Variants in PCDH19 observed in about 807,000 individuals in gnomAD.
The protein encoded by PCDH19 is protocadherin 19.
A neutral mutation model predicts 46.2 loss-of-function variants in PCDH19; 6 were observed. The observed-to-expected ratio is 0.13, with a 90% CI of 0.07 to 0.26. The LOEUF (loss-of-function observed/expected upper bound fraction) is 0.26. PCDH19 is among the 10% of genes least tolerant of loss of function. The pLI, the probability that PCDH19 is intolerant of heterozygous loss-of-function variation, is 1.00. For missense variants in PCDH19, 740 were observed against 972.3 expected, an observed-to-expected ratio of 0.76 and a Z score of 3.18; for synonymous variants, 481 against 415.7, an observed-to-expected ratio of 1.16 and a Z score of -1.91.
At chrX:100,355,002 A>C (rs1476338056) in intron 3 of PCDH19, among the ~76,000 whole-genome samples, 1 of 111,775 alleles carries the variant, frequency 8.9e-6, no homozygotes, top group Admixed American at 9.5e-5. Flanking sequence ...AATAAGAGTC[A>C]CTTTCTTATT....
chrX:100,311,932 A>G (rs1317738561), intron 5 of PCDH19, among the ~76,000 whole-genome samples: 1 of 111,521 alleles, frequency 9.0e-6, no homozygotes, highest in Non-Finnish European at 1.9e-5. Context: ...CATTAAAAAA[A>G]TGCATTTCAA....
intron 3 of PCDH19, among the ~76,000 whole-genome samples, chrX:100,359,612 G>A (rs1027097080): frequency 2.7e-5 from 3 of 112,037 alleles, no homozygotes; most frequent in African/African-American, 9.7e-5. Context: ...AGAGGGTTGG[G>A]CATTGTGGCT....
At chrX:100,333,165 GGAAGGA>G (rs1452168936) in intron 5 of PCDH19, among the ~76,000 whole-genome samples, 1,522 of 47,834 alleles carry the variant, frequency 0.032, 42 homozygotes, top group Non-Finnish European at 0.043. Flanking sequence ...AAGGAAGGAA[GGAAGGA>G]AGGGAGAGAG....
At chrX:100,322,865 A>ATATATT in intron 5 of PCDH19, among the ~76,000 whole-genome samples, 2 of 54,418 alleles carry the variant, frequency 3.7e-5, no homozygotes, top group East Asian at 4.5e-4. Context: ...ATATATATAT[A>ATATATT]TTTTTGCAGC....
intron 3 of PCDH19, among the ~76,000 whole-genome samples, chrX:100,394,341 C>A (rs1443505196): frequency 8.0e-5 from 9 of 111,990 alleles, no homozygotes; most frequent in African/African-American, 1.3e-4. Flanking sequence ...CTCTCATTCT[C>A]ATTTTTTCCC....
At chrX:100,306,727 T>C (rs968529093) in intron 5 of PCDH19, among the ~76,000 whole-genome samples, 4 of 110,364 alleles carry the variant, frequency 3.6e-5, no homozygotes, top group African/African-American at 1.3e-4. Flanking sequence ...AAACGGGATA[T>C]ATTACTACTG....
chrX:100,383,878 A>T (rs1353985771), intron 3 of PCDH19, among the ~76,000 whole-genome samples: 2 of 111,896 alleles, frequency 1.8e-5, no homozygotes, highest in Non-Finnish European at 3.8e-5. Context: ...AGACAAACAG[A>T]TCAGTGGAAA....
chrX:100,311,490 A>G (rs747950004), intron 5 of PCDH19, among the ~76,000 whole-genome samples: 2 of 111,903 alleles, frequency 1.8e-5, no homozygotes, highest in East Asian at 5.6e-4. Flanking sequence ...TCAGTTTTGT[A>G]GAATAGGCCA....
At chrX:100,377,772 T>G (rs1203899119) in intron 3 of PCDH19, among the ~76,000 whole-genome samples, 2 of 112,033 alleles carry the variant, frequency 1.8e-5, no homozygotes, top group African/African-American at 3.2e-5. Flanking sequence ...TAAGGGAACC[T>G]AATACTCTAC....
At chrX:100,387,009 G>A (rs967884933) in intron 3 of PCDH19, among the ~76,000 whole-genome samples, 3 of 111,839 alleles carry the variant, frequency 2.7e-5, no homozygotes, top group Non-Finnish European at 5.6e-5. Flanking sequence ...GTTGTACAGG[G>A]TTCTCATGCA....
intron 3 of PCDH19, among the ~76,000 whole-genome samples, chrX:100,369,656 T>C (rs2147507451): frequency 8.9e-6 from 1 of 112,421 alleles, no homozygotes; most frequent in African/African-American, 3.2e-5. Flanking sequence ...AATGTTAAGG[T>C]TGGCTTCATA....
intron 5 of PCDH19, among the ~76,000 whole-genome samples, chrX:100,319,808 G>A (rs779368566): frequency 2.7e-5 from 3 of 111,935 alleles, no homozygotes; most frequent in Non-Finnish European, 5.6e-5. Context: ...GAAAGGCAGA[G>A]GCAGCTGCCA....
intron 3 of PCDH19, among the ~76,000 whole-genome samples, chrX:100,394,657 C>A (rs969200363): frequency 8.9e-6 from 1 of 111,900 alleles, no homozygotes; most frequent in Non-Finnish European, 1.9e-5. Context: ...TTTTTAGAAT[C>A]TGAAGCAAAT....
intron 5 of PCDH19, among the ~76,000 whole-genome samples, chrX:100,333,140 AGG>A (rs1925936126): frequency 2.3e-5 from 1 of 43,845 alleles, no homozygotes; most frequent in Admixed American, 2.3e-4. Context: ...GAAGGAAGGA[AGG>A]AAGGAAGGAA....
At chrX:100,308,433 C>A (rs1300506841) in intron 5 of PCDH19, among the ~76,000 whole-genome samples, 5 of 111,527 alleles carry the variant, frequency 4.5e-5, no homozygotes, top group Non-Finnish European at 9.4e-5. Flanking sequence ...CATAAAAATT[C>A]TAAAGGTAAC....
At chrX:100,321,724 GCTGA>G (rs1346113278) in intron 5 of PCDH19, among the ~76,000 whole-genome samples, 1 of 106,269 alleles carries the variant, frequency 9.4e-6, no homozygotes, top group Non-Finnish European at 1.9e-5. Context: ...TGTCTACTCT[GCTGA>G]CTGTTTCTTT....
chrX:100,407,514 C>T lies in PCDH19; in HGVS notation c.1084G>A (p.Ala362Thr). Reference protein sequence around the residue: ...NSELVEVSESAPPGYVIALVR... With the variant: ...NSELVEVSESTPPGYVIALVR... Reference sequence around the variant, plus strand: ...AAGGCGATCACGTAGCCCGGGGGGGCGCTCTCGCTGACCTCCACAAGCTCA... The same window carrying T: ...AAGGCGATCACGTAGCCCGGGGGGGTGCTCTCGCTGACCTCCACAAGCTCA... Residue 362 changes from alanine to threonine, a missense_variant, in exon 1 of 6, where the codon GCC (alanine) becomes ACC (threonine). By Grantham distance (58) the Ala-to-Thr change is moderately conservative. Transcript: ENST00000373034. 3 of 1,211,172 alleles carry T rather than the reference C, an allele frequency of 2.5e-6. No individual in the cohort carries two copies. The highest frequency in any genetic ancestry group is 3.3e-6 in the Non-Finnish European group (3 of 895,584).
chrX:100,402,717 G>C lies in PCDH19; in HGVS notation c.2423C>G (p.Thr808Ser), dbSNP rs1411379132. 8.3e-7 allele frequency: 1 copy of C among 1,211,018 alleles called. No homozygotes were observed. Among genetic ancestry groups the C allele is most frequent in the Admixed American group, 2.2e-5 (1 of 46,072 alleles). The change falls in exon 3 of 6, where the codon ACC (threonine) becomes AGC (serine). Residue 808 changes from threonine to serine, a missense_variant. Transcript: ENST00000373034. ...GTAGTCAAAATAGTTGAGGGAGGAG[G>C]TCAGGGAAGAGCAACTGACAACGTT... is the stretch of plus-strand genomic sequence containing the variant. ...KMNVVSCSSLTSSLNYFDYHQ... is the reference protein window; with the variant it reads ...KMNVVSCSSLSSSLNYFDYHQ...
chrX:100,395,378 G>A (rs1022240357), intron 3 of PCDH19, among the ~76,000 whole-genome samples: 6 of 112,089 alleles, frequency 5.4e-5, no homozygotes, highest in African/African-American at 6.5e-5. Flanking sequence ...ACACCCTTTG[G>A]CTGACCAGCT....
Sources: allele counts gnomAD v4.1 joint callset (sites outside exome capture counted in the v4.1 genomes callset), GRCh38; gene constraint gnomAD v4.1.1; transcripts MANE v1.5; gene names NCBI Gene and HGNC (gene_info 2026-07-23, HGNC 2026-07-21).